SH3RF1: variants seen among roughly 807,000 people sequenced by gnomAD.
The protein encoded by SH3RF1 is E3 ubiquitin-protein ligase SH3RF1.
In SH3RF1, 32 loss-of-function variants were observed where a neutral mutation model predicts 74.0. The observed-to-expected ratio is 0.43, with a 90% CI of 0.33 to 0.58. SH3RF1 has a LOEUF of 0.58. SH3RF1 is among the 20% of genes least tolerant of loss of function. SH3RF1 has a pLI of 0.05. For synonymous variants in SH3RF1, 396 were observed against 439.6 expected (o/e 0.90, Z 1.24); for missense variants, 954 against 1,130.9 (o/e 0.84, Z 2.24).
Position 169,182,357 on chromosome 4 carries a change from G to T in SH3RF1, c.394-25678C>A, listed in dbSNP as rs148157050. 1.5e-3 allele frequency among the ~76,000 whole-genome samples: 226 copies of T among 152,328 alleles called. 1 individual carries two copies. The highest frequency in any genetic ancestry group is 9.9e-3 in the South Asian group (48 of 4,826). On this transcript the variant is annotated intron_variant, in intron 2 of 11. Coordinates refer to ENST00000284637, the MANE Select transcript of SH3RF1 (RefSeq NM_020870.4). ...AATCACTGAGCAGTTGCTTGTGCAT[G>T]ATAACAGAGTGTAATACAATTCATG... is the stretch of plus-strand genomic sequence containing the variant.
intron 2 of SH3RF1, among the ~76,000 whole-genome samples, chr4:169,211,708 T>C (rs1561054247): frequency 6.6e-6 from 1 of 152,174 alleles, no homozygotes; most frequent in African/African-American, 2.4e-5. Flanking sequence ...AAAGCCTAGA[T>C]ACAGATGTGT....
chr4:169,136,174 G>A, intron 5 of SH3RF1, 144 bp downstream of exon 5: 1 of 844,952 alleles, frequency 1.2e-6, no homozygotes, highest in Non-Finnish European at 1.7e-6. Flanking sequence ...CTTACAAAAT[G>A]AAGACAGGTT....
intron 2 of SH3RF1, among the ~76,000 whole-genome samples, chr4:169,226,652 T>C (rs977831669): frequency 9.2e-5 from 14 of 152,184 alleles, no homozygotes; most frequent in African/African-American, 3.4e-4. Context: ...AGTAGCTTTT[T>C]TAAAAATTGG....
chr4:169,180,212 C>T (rs1368152317), intron 2 of SH3RF1, among the ~76,000 whole-genome samples: 5 of 152,002 alleles, frequency 3.3e-5, no homozygotes, highest in African/African-American at 4.8e-5. Context: ...ACAGTATGTC[C>T]CAACTTGAAA....
At chr4:169,214,720 T>C (rs1490500974) in intron 2 of SH3RF1, among the ~76,000 whole-genome samples, 1 of 152,190 alleles carries the variant, frequency 6.6e-6, no homozygotes, top group African/African-American at 2.4e-5. Context: ...TAGGTGCTAA[T>C]GTAAATGGCA....
intron 2 of SH3RF1, among the ~76,000 whole-genome samples, chr4:169,203,057 C>T (rs557373392): frequency 2.1e-4 from 32 of 152,078 alleles, no homozygotes; most frequent in Non-Finnish European, 3.7e-4. Context: ...AGTTCTGCAG[C>T]AAAGAAACCT....
chr4:169,228,865 TAATG>T (rs1730690899), intron 2 of SH3RF1, among the ~76,000 whole-genome samples: 1 of 152,202 alleles, frequency 6.6e-6, no homozygotes, highest in African/African-American at 2.4e-5. Flanking sequence ...AGACTAATTC[TAATG>T]AATACTTCCA....
chr4:169,112,256 CT>C (rs541053466), intron 10 of SH3RF1, among the ~76,000 whole-genome samples: 41 of 152,316 alleles, frequency 2.7e-4, no homozygotes, highest in Non-Finnish European at 5.6e-4. Flanking sequence ...CTCTAATACA[CT>C]TTTTCCTTGC....
At chr4:169,189,575 C>T (rs902130121) in intron 2 of SH3RF1, among the ~76,000 whole-genome samples, 12 of 152,172 alleles carry the variant, frequency 7.9e-5, no homozygotes, top group African/African-American at 2.2e-4. Context: ...TCTGTTGCCA[C>T]GGCTATCAGT....
intron 5 of SH3RF1, among the ~76,000 whole-genome samples, chr4:169,130,799 G>C (rs745670127): frequency 3.2e-4 from 49 of 152,278 alleles, no homozygotes; most frequent in Admixed American, 7.8e-4. Context: ...GAAAGAAATT[G>C]AGTTATTCAG....
At chr4:169,251,496 C>T (rs1354826597) in intron 2 of SH3RF1, among the ~76,000 whole-genome samples, 3 of 152,132 alleles carry the variant, frequency 2.0e-5, no homozygotes, top group Admixed American at 2.0e-4. Context: ...TTCTTTTGTC[C>T]TTAAACAGGC....
intron 2 of SH3RF1, among the ~76,000 whole-genome samples, chr4:169,205,107 A>C (rs1367399361): frequency 6.6e-6 from 1 of 152,252 alleles, no homozygotes; most frequent in Non-Finnish European, 1.5e-5. Context: ...GAAGGGAAAT[A>C]GCTTCATTAA....
Position 169,116,203 on chromosome 4 carries a change from C to T in SH3RF1, c.2139+66G>A, listed in dbSNP as rs1483283760. 6.5e-6 allele frequency: 10 copies of T among 1,533,524 alleles called. No homozygotes were observed. In the Admixed American group the frequency reaches 1.2e-4, roughly 18 times the overall value. 95.0% of individuals were successfully genotyped at this position (1,533,524 alleles called of 1,614,324 possible). ...CCTCTCATTAGCTAAAAATGACAGACACAACATAAGAAGAAAAACAGGGAA... is the reference window on the plus strand; with the variant it reads ...CCTCTCATTAGCTAAAAATGACAGATACAACATAAGAAGAAAAACAGGGAA... On this transcript the variant is annotated intron_variant, in intron 10 of 11. Transcript: ENST00000284637.
intron 4 of SH3RF1, among the ~76,000 whole-genome samples, chr4:169,142,802 T>C (rs556551557): frequency 6.6e-6 from 1 of 152,346 alleles, no homozygotes; most frequent in East Asian, 1.9e-4. Context: ...TCAGCAGACA[T>C]GAAAATATTT....
chr4:169,216,959 T>C (rs1265638187), intron 2 of SH3RF1, among the ~76,000 whole-genome samples: 8 of 144,714 alleles, frequency 5.5e-5, no homozygotes, highest in Middle Eastern at 3.3e-3. Flanking sequence ...GAGACCAGCC[T>C]GAGCAACATG....
chr4:169,152,268 G>A (rs1224076811), intron 4 of SH3RF1, among the ~76,000 whole-genome samples: 3 of 152,100 alleles, frequency 2.0e-5, no homozygotes, highest in African/African-American at 7.2e-5. Context: ...TGTGATCAAA[G>A]CAAGAGAACC....
At chr4:169,139,045 G>C (rs1471964128) in intron 4 of SH3RF1, among the ~76,000 whole-genome samples, 2 of 152,126 alleles carry the variant, frequency 1.3e-5, no homozygotes, top group Non-Finnish European at 2.9e-5. Flanking sequence ...TCGAACTCCT[G>C]GGCTCAAGCA....
At chr4:169,212,066 T>TTC (rs1730385651) in intron 2 of SH3RF1, among the ~76,000 whole-genome samples, 1 of 134,178 alleles carries the variant, frequency 7.5e-6, no homozygotes, top group African/African-American at 2.9e-5. Context: ...TCTTTTTTTT[T>TTC]TTTTTTTTTT....
chr4:169,180,433 C>T lies in SH3RF1; in HGVS notation c.394-23754G>A, dbSNP rs148518280. Among the ~76,000 whole-genome samples the T allele has an allele frequency of 3.3e-3, 508 of 152,326 alleles. 1 individual carries two copies. Among genetic ancestry groups the T allele is most frequent in the African/African-American group, 0.011 (460 of 41,566 alleles). On this transcript the variant is annotated intron_variant, in intron 2 of 11. Transcript: ENST00000284637. ...AACACTGTAGCTTAACACACTGCCACAACCGGAGGAATTTTAACTACTCTA... is the reference window on the plus strand; with the variant it reads ...AACACTGTAGCTTAACACACTGCCATAACCGGAGGAATTTTAACTACTCTA...
Sources: gnomAD v4.1 joint callset for allele counts (sites outside exome capture counted in the v4.1 genomes callset) on GRCh38, gnomAD v4.1.1 for gene constraint, MANE v1.5 for transcripts, NCBI Gene and HGNC (gene_info 2026-07-23, HGNC 2026-07-21) for gene names.